RYR2: variants seen among roughly 807,000 people sequenced by gnomAD.
The protein encoded by RYR2 is ryanodine receptor 2.
A neutral mutation model predicts 601.1 loss-of-function variants in RYR2; 227 were observed. That is an observed-to-expected ratio of 0.38 (90% confidence interval 0.34 to 0.42). The LOEUF is 0.42. RYR2 is among the 10% of genes least tolerant of loss of function. RYR2 has a pLI of 1.00. For synonymous variants in RYR2, 2,223 were observed against 2,175.1 expected (o/e 1.02, Z -0.61); for missense variants, 4,646 against 6,156.5 (o/e 0.75, Z 8.21).
At chr1:237,683,564 A>T (rs1186121592) in intron 62 of RYR2, among the ~76,000 whole-genome samples, 1 of 152,228 alleles carries the variant, frequency 6.6e-6, no homozygotes, top group Non-Finnish European at 1.5e-5. Context: ...CATATTTTCT[A>T]AATGTAGATA....
chr1:237,810,182 A>C (rs1661108323), intron 100 of RYR2, among the ~76,000 whole-genome samples: 1 of 152,050 alleles, frequency 6.6e-6, no homozygotes, highest in Non-Finnish European at 1.5e-5. Flanking sequence ...GAGCAACTAT[A>C]AATAAAGTCG....
chr1:237,554,510 A>G (rs982620447), intron 27 of RYR2, among the ~76,000 whole-genome samples: 1 of 151,972 alleles, frequency 6.6e-6, no homozygotes. Context: ...CTTCCTAAGT[A>G]GGAAATTTTC....
intron 79 of RYR2, among the ~76,000 whole-genome samples, chr1:237,738,345 T>C (rs948338122): frequency 1.3e-5 from 2 of 152,162 alleles, no homozygotes; most frequent in Admixed American, 6.5e-5. Flanking sequence ...AGTTACTTAG[T>C]CATTTCTAAT....
chr1:237,221,557 C>T (rs180912363), intron 1 of RYR2, among the ~76,000 whole-genome samples: 1 of 152,320 alleles, frequency 6.6e-6, no homozygotes. Context: ...TTCAGGACAT[C>T]TCAAACATTG....
intron 100 of RYR2, among the ~76,000 whole-genome samples, chr1:237,818,196 C>T (rs1243186702): frequency 6.6e-6 from 1 of 152,172 alleles, no homozygotes; most frequent in African/African-American, 2.4e-5. Flanking sequence ...AGCATGACTT[C>T]ATTTGCCACC....
chr1:237,046,761 A>G (rs1660654857), intron 1 of RYR2, among the ~76,000 whole-genome samples: 1 of 152,218 alleles, frequency 6.6e-6, no homozygotes, highest in South Asian at 2.1e-4. Flanking sequence ...TTCTTTAGAT[A>G]GCTTTCGGGA....
chr1:237,067,972 C>T (rs909746787), intron 1 of RYR2, among the ~76,000 whole-genome samples: 2 of 151,958 alleles, frequency 1.3e-5, no homozygotes, highest in Admixed American at 6.6e-5. Flanking sequence ...ATTAATCATG[C>T]CCTACACTTA....
At chr1:237,049,634 G>A (rs1278983159) in intron 1 of RYR2, among the ~76,000 whole-genome samples, 1 of 152,168 alleles carries the variant, frequency 6.6e-6, no homozygotes, top group Admixed American at 6.5e-5. Flanking sequence ...CCTCATCCTG[G>A]TGGATTACAG....
intron 35 of RYR2, among the ~76,000 whole-genome samples, chr1:237,606,775 C>A (rs1221322529): frequency 6.6e-6 from 1 of 152,148 alleles, no homozygotes; most frequent in Admixed American, 6.5e-5. Flanking sequence ...AGGATATGAA[C>A]AGACACTTCT....
In RYR2 at chr1:237,368,980, C is replaced by T. The variant is rs540254954; in HGVS notation, c.310-554C>T. On this transcript the variant is annotated intron_variant, in intron 5 of 104. Transcript: ENST00000366574. ...CTGGGATTACAGGCAGGCATCACCA[C>T]GCCCAGCTAATCTTTGTAGTTTTAC... Among the ~76,000 whole-genome samples the T allele has an allele frequency of 4.6e-5, 7 of 152,140 alleles. No individual in the cohort carries two copies. In the East Asian group the frequency reaches 7.8e-4, roughly 17 times the overall value.
Position 237,747,791 on chromosome 1 carries a change from G to T in RYR2, c.11145+5442G>T, listed in dbSNP as rs1202619573. On this transcript the variant is annotated intron_variant, in intron 80 of 104. Coordinates refer to ENST00000366574, the MANE Select transcript of RYR2 (RefSeq NM_001035.3). ...TAAATGCATAAAAATTAAAGATATA[G>T]CTACGGATATAAAATATTGAAACAA... is the stretch of plus-strand genomic sequence containing the variant. Among the ~76,000 whole-genome samples the T allele has an allele frequency of 2.0e-5, 3 of 152,206 alleles. No homozygotes were observed. The East Asian group carries it at 5.8e-4, about 29-fold the overall frequency.
chr1:237,533,355 A>G (rs1283513009), intron 25 of RYR2, among the ~76,000 whole-genome samples: 1 of 152,156 alleles, frequency 6.6e-6, no homozygotes, highest in Non-Finnish European at 1.5e-5. Flanking sequence ...ATTTGGCATC[A>G]TTGTGTAAAA....
At chr1:237,199,802 T>C (rs541804144) in intron 1 of RYR2, among the ~76,000 whole-genome samples, 55 of 152,354 alleles carry the variant, frequency 3.6e-4, no homozygotes, top group East Asian at 2.7e-3. Context: ...ACTAATTTTA[T>C]ATCTGAAAAC....
At chr1:237,635,395 T>G (rs765925658) in intron 44 of RYR2, among the ~76,000 whole-genome samples, 1 of 152,180 alleles carries the variant, frequency 6.6e-6, no homozygotes, top group African/African-American at 2.4e-5. Context: ...ACTTTTGACT[T>G]AATCATACAC....
At chr1:237,454,671 G>A (rs918978267) in intron 15 of RYR2, 97 bp downstream of exon 15, 49 of 1,244,148 alleles carry the variant, frequency 3.9e-5, no homozygotes, top group African/African-American at 6.0e-5. Flanking sequence ...CCATCTTTGC[G>A]TTTTGCAATA....
rs180894760 is a variant in RYR2 at position 237,196,175 on chromosome 1, G to C, written c.49-74322G>C. On this transcript the variant is annotated intron_variant, in intron 1 of 104. Coordinates refer to ENST00000366574, the MANE Select transcript of RYR2 (RefSeq NM_001035.3). ...AGTGTCCTTTTGGTAGGCTTTTCAT[G>C]TTCTAGTAACAAATTATCTTCAGAA... Among the ~76,000 whole-genome samples the C allele has an allele frequency of 1.6e-4, 25 of 152,218 alleles. No individual in the cohort carries two copies. In the East Asian group the frequency reaches 4.2e-3, roughly 26 times the overall value.
intron 1 of RYR2, among the ~76,000 whole-genome samples, chr1:237,095,451 T>C (rs570028590): frequency 6.6e-6 from 1 of 152,274 alleles, no homozygotes; most frequent in South Asian, 2.1e-4. Context: ...TTCACTGGGA[T>C]CGTGTCTGAA....
chr1:237,183,408 C>G (rs2485604), intron 1 of RYR2, among the ~76,000 whole-genome samples: 138,073 of 152,188 alleles, frequency 0.91, 63,604 homozygotes, highest in Non-Finnish European at 0.99. Flanking sequence ...GTGGCTGGCA[C>G]GATTAAATAA....
chr1:237,628,614 C>G (rs1679933150), intron 41 of RYR2, among the ~76,000 whole-genome samples: 1 of 151,786 alleles, frequency 6.6e-6, no homozygotes, highest in African/African-American at 2.4e-5. Context: ...GAGATAGAAA[C>G]AAAAGCTAAG....
Sources: allele counts gnomAD v4.1 joint callset (sites outside exome capture counted in the v4.1 genomes callset), GRCh38; gene constraint gnomAD v4.1.1; transcripts MANE v1.5; gene names NCBI Gene and HGNC (gene_info 2026-07-23, HGNC 2026-07-21).